Variants in LRRC37A2 observed in about 807,000 individuals in gnomAD.
The protein encoded by LRRC37A2 is leucine rich repeat containing 37 member A2.
Under a neutral mutation model 68.8 loss-of-function variants are expected in LRRC37A2, and 9 were observed. The observed-to-expected ratio is 0.13, with a 90% CI of 0.08 to 0.23. LRRC37A2 has a LOEUF of 0.23. Ranked by LOEUF, LRRC37A2 falls within the 10% of genes least tolerant of loss-of-function variation. The pLI is 1.00. For synonymous variants in LRRC37A2, 63 were observed against 367.6 expected (o/e 0.17, Z 9.48); for missense variants, 168 against 950.4 (o/e 0.18, Z 10.82).
chr17:47,044,371 C>A, the LRRC37A2 span, among the ~76,000 whole-genome samples: 5 of 151,294 alleles, frequency 3.3e-5, no homozygotes, highest in Non-Finnish European at 7.4e-5. Flanking sequence ...ATGATTGGGA[C>A]AATTGTGAAA....
chr17:46,929,690 G>A, the LRRC37A2 span: 1 of 720,420 alleles, frequency 1.4e-6, no homozygotes, highest in Non-Finnish European at 2.6e-6. Flanking sequence ...GATTCAGCGT[G>A]GAATGAGTTT....
At chr17:46,496,872 G>T in the LRRC37A2 span, among the ~76,000 whole-genome samples, 570 of 143,974 alleles carry the variant, frequency 4.0e-3, 3 homozygotes, top group Non-Finnish European at 6.7e-3. Context: ...CCAAGATCAT[G>T]CCATTGCACT....
At chr17:46,714,052 A>G in the LRRC37A2 span, 7 of 1,492,326 alleles carry the variant, frequency 4.7e-6, no homozygotes, top group African/African-American at 1.4e-5. Context: ...GCACATATAT[A>G]TGCCTTTGTA....
At chr17:46,856,421 A>C in the LRRC37A2 span, among the ~76,000 whole-genome samples, 1 of 152,154 alleles carries the variant, frequency 6.6e-6, no homozygotes, top group South Asian at 2.1e-4. Context: ...CATTGGAGAA[A>C]CAAAACATAA....
the LRRC37A2 span, among the ~76,000 whole-genome samples, chr17:46,781,489 A>G: frequency 0.84 from 127,625 of 151,858 alleles, 53,931 homozygotes; most frequent in East Asian, 1. Context: ...AGCGACAGCA[A>G]CCAGACACAT....
the LRRC37A2 span, among the ~76,000 whole-genome samples, chr17:46,490,394 CT>C: frequency 2.6e-5 from 4 of 150,988 alleles, no homozygotes. Flanking sequence ...AAAGCTTTGA[CT>C]TTCATAAATA....
the LRRC37A2 span, chr17:47,018,171 A>G: frequency 5.1e-5 from 81 of 1,598,266 alleles, no homozygotes; most frequent in Admixed American, 1.1e-3. Context: ...GGAGACCCCA[A>G]TTCAGTTTCC....
the LRRC37A2 span, among the ~76,000 whole-genome samples, chr17:46,726,244 T>C: frequency 3.0e-4 from 45 of 152,324 alleles, no homozygotes; most frequent in African/African-American, 9.9e-4. Context: ...TACACTAAAG[T>C]CCTGCTCCTG....
At chr17:46,497,690 C>T in the LRRC37A2 span, among the ~76,000 whole-genome samples, 12,669 of 138,172 alleles carry the variant, frequency 0.092, 3 homozygotes, top group Non-Finnish European at 0.14. Context: ...TACATGCATA[C>T]ATTGTGTATG....
At chr17:46,558,062 G>T (rs539803646), downstream of LRRC37A2, among the ~76,000 whole-genome samples, 638 of 137,506 alleles carry the variant, frequency 4.6e-3, 16 homozygotes, top group African/African-American at 0.015. Context: ...AGTTTTGTTT[G>T]TTTTTTTTTC....
At chr17:46,943,108 G>A in the LRRC37A2 span, among the ~76,000 whole-genome samples, 97 of 152,314 alleles carry the variant, frequency 6.4e-4, no homozygotes, top group African/African-American at 2.1e-3. Context: ...GGGGTAGGGA[G>A]CCGATGGCTC....
chr17:46,844,172 G>A, the LRRC37A2 span, among the ~76,000 whole-genome samples: 1 of 151,912 alleles, frequency 6.6e-6, no homozygotes, highest in African/African-American at 2.4e-5. Flanking sequence ...GCTGAGGCTG[G>A]TCTTGAACTC....
the LRRC37A2 span, among the ~76,000 whole-genome samples, chr17:46,977,878 A>G: frequency 6.6e-6 from 1 of 152,212 alleles, no homozygotes; most frequent in East Asian, 1.9e-4. Context: ...GTTTCATCTC[A>G]TATTAGACTC....
At chr17:46,516,262 C>G (rs1248672599) in intron 2 of LRRC37A2, among the ~76,000 whole-genome samples, 1 of 130,642 alleles carries the variant, frequency 7.7e-6, no homozygotes, top group African/African-American at 2.7e-5. Context: ...GAGATTGCAC[C>G]ACTGCACTCC....
At chr17:46,770,316 G>C in the LRRC37A2 span, among the ~76,000 whole-genome samples, 1 of 152,228 alleles carries the variant, frequency 6.6e-6, no homozygotes, top group Admixed American at 6.5e-5. Context: ...AGCAGTGCCT[G>C]TTAGAAACAG....
At chr17:47,026,525 T>C in the LRRC37A2 span, among the ~76,000 whole-genome samples, 2 of 152,156 alleles carry the variant, frequency 1.3e-5, no homozygotes, top group Admixed American at 1.3e-4. Context: ...TCCCAGGAGA[T>C]GCTGGTCTTT....
the LRRC37A2 span, among the ~76,000 whole-genome samples, chr17:46,877,426 C>T: frequency 6.6e-6 from 1 of 152,260 alleles, no homozygotes; most frequent in South Asian, 2.1e-4. Flanking sequence ...GTCTCGAGAG[C>T]TGGGTTATGC....
the LRRC37A2 span, among the ~76,000 whole-genome samples, chr17:46,864,168 A>C: frequency 6.6e-6 from 1 of 152,184 alleles, no homozygotes; most frequent in African/African-American, 2.4e-5. Flanking sequence ...AGAACCTGTC[A>C]AGGTAGTTAG....
At chr17:46,896,396 A>G in the LRRC37A2 span, among the ~76,000 whole-genome samples, 216 of 58,420 alleles carry the variant, frequency 3.7e-3, 1 homozygote, top group African/African-American at 0.02. Context: ...AAGAAAGAGA[A>G]AGAAAGAAAG....
Sources: allele counts gnomAD v4.1 joint callset (sites outside exome capture counted in the v4.1 genomes callset), GRCh38; gene constraint gnomAD v4.1.1; transcripts MANE v1.5; gene names NCBI Gene and HGNC (gene_info 2026-07-23, HGNC 2026-07-21).